The following ADGRG2 variants were observed in gnomAD, a reference collection of about 807,000 sequenced individuals.
ADGRG2 encodes adhesion G protein-coupled receptor G2, also known as G protein-coupled receptor 64.
In ADGRG2, 26 loss-of-function variants were observed where a neutral mutation model predicts 74.1. The ratio of observed to expected loss-of-function variants is 0.35; its 90% CI spans 0.26 to 0.49. ADGRG2 has a LOEUF of 0.49. ADGRG2 is among the 20% of genes least tolerant of loss of function. ADGRG2 has a pLI of 0.99. For missense variants in ADGRG2, 619 were observed against 763.1 expected (o/e 0.81, Z 2.22); for synonymous variants, 296 against 295.2 (o/e 1.00, Z -0.03).
chrX:19,031,132 G>A lies in ADGRG2; in HGVS notation c.305-95C>T, dbSNP rs781418491. 1.9e-5 allele frequency: 11 copies of A among 593,902 alleles called. No individual in the cohort carries two copies. The South Asian group carries it at 2.0e-4, about 11-fold the overall frequency. 48.9% of individuals were successfully genotyped at this position (593,902 alleles called of 1,213,427 possible). A position where few individuals can be genotyped will look rare whatever the true frequency, so the allele number is the denominator to read the frequency against. ...GAATTCATAAACGTAGGCATCAAAT[G>A]TGGACCAGAAATATTATAAGCTGGA... is the stretch of plus-strand genomic sequence containing the variant. On this transcript the variant is annotated intron_variant, in intron 8 of 28. Coordinates refer to ENST00000379869, the MANE Select transcript of ADGRG2 (RefSeq NM_001079858.3).
intron 16 of ADGRG2, among the ~76,000 whole-genome samples, 162 bp from the exon 17 acceptor site, chrX:19,010,940 G>A (rs747595537): frequency 2.7e-4 from 30 of 112,383 alleles, no homozygotes; most frequent in African/African-American, 9.4e-4. Context: ...AATGTTTATA[G>A]TGGCCTTTTT....
chrX:19,037,478 G>C lies in ADGRG2; in HGVS notation c.215C>G (p.Thr72Arg). Residue 72 changes from threonine (T) to arginine (R), a missense_variant, in exon 6 of 29, where the codon ACA becomes AGA. By Grantham distance (71) the Thr-to-Arg change is moderately conservative (BLOSUM62 -1). Transcript: ENST00000379869. ...AGAAAAATTCTTACCATTGAGGCTT[G>C]TTGTTTCAACCTCTTTTTGTCCCGA... ...SSNGTPEVET[T>R]SLNDVTLSLL... 1 of 1,181,186 alleles carries C rather than the reference G, an allele frequency of 8.5e-7. No homozygotes were observed. The highest frequency in any genetic ancestry group is 1.1e-6 in the Non-Finnish European group (1 of 872,485).
intron 1 of ADGRG2, among the ~76,000 whole-genome samples, chrX:19,120,670 G>T (rs2062595409): frequency 9.0e-6 from 1 of 111,726 alleles, no homozygotes; most frequent in Non-Finnish European, 1.9e-5. Context: ...TACATAATTT[G>T]TGGGACCCAG....
intron 18 of ADGRG2, 130 bp from the exon 19 acceptor site, chrX:19,008,253 A>G (rs1415596782): frequency 2.2e-6 from 1 of 457,174 alleles, no homozygotes; most frequent in Non-Finnish European, 3.6e-6. Context: ...GATAAAAACC[A>G]CAATTACTTT....
intron 1 of ADGRG2, among the ~76,000 whole-genome samples, chrX:19,089,877 G>A (rs1395670409): frequency 8.9e-6 from 1 of 111,809 alleles, no homozygotes; most frequent in Non-Finnish European, 1.9e-5. Flanking sequence ...CTCAAAAAAT[G>A]TGAACTAATT....
At chrX:19,068,457 G>A (rs1326931911) in intron 3 of ADGRG2, among the ~76,000 whole-genome samples, 1 of 104,501 alleles carries the variant, frequency 9.6e-6, no homozygotes, top group African/African-American at 4.0e-5. Context: ...GGAAGGGGTG[G>A]GGGGGAAGGA....
chrX:19,098,618 T>C (rs2062137510), intron 1 of ADGRG2, among the ~76,000 whole-genome samples: 1 of 112,036 alleles, frequency 8.9e-6, no homozygotes, highest in South Asian at 3.7e-4. Context: ...AAAACCTGTA[T>C]GTTAGTAATA....
In ADGRG2 at chrX:18,999,964, G is replaced by A; in HGVS notation, c.2231-4C>T. On this transcript the variant is annotated splice_polypyrimidine_tract_variant and splice_region_variant and intron_variant, in intron 24 of 28. Transcript: ENST00000379869. ...GTCACAACCACAGCTGGTACCCCTG[G>A]AAGATGGGAAACATTGGTCACACCT... The A allele has an allele frequency of 9.6e-7, 1 of 1,040,167 alleles. No individual in the cohort carries two copies. The highest frequency in any genetic ancestry group is 1.9e-5 in the South Asian group (1 of 51,531). 85.7% of individuals were successfully genotyped at this position (1,040,167 alleles called of 1,213,427 possible).
At position 18,990,695 on chromosome X, in the gene ADGRG2, G is replaced by T. The variant is rs147200983; in HGVS notation, c.*169C>A. 2 of 354,516 alleles carry T rather than the reference G, an allele frequency of 5.6e-6. No individual in the cohort carries two copies. The highest frequency in any genetic ancestry group is 9.7e-6 in the Non-Finnish European group (2 of 206,657). The allele number at this position is 354,516 out of a possible 1,213,427, so 29.2% of individuals were successfully genotyped here. A position where few individuals can be genotyped will look rare whatever the true frequency, so the allele number is the denominator to read the frequency against. ...AAATGTCTAAAAACCATGGTGTAAT[G>T]TCTTGGTTTCTTCTTGTAATAATAA... is the stretch of plus-strand genomic sequence containing the variant. On this transcript the variant is annotated 3_prime_UTR_variant, in exon 29 of 29. Coordinates refer to ENST00000379869, the MANE Select transcript of ADGRG2 (RefSeq NM_001079858.3).
intron 2 of ADGRG2, among the ~76,000 whole-genome samples, chrX:19,074,183 T>C (rs1441051757): frequency 8.9e-6 from 1 of 111,826 alleles, no homozygotes; most frequent in Non-Finnish European, 1.9e-5. Context: ...GATCAAACCT[T>C]GGGCTGAAGA....
At chrX:19,116,244 C>T (rs1241732361) in intron 1 of ADGRG2, among the ~76,000 whole-genome samples, 1 of 109,740 alleles carries the variant, frequency 9.1e-6, no homozygotes, top group African/African-American at 3.3e-5. Context: ...GGCGCAGTGG[C>T]TCATGCCTGT....
rs199616929 is a variant in ADGRG2, at chrX:19,106,493, TTGTGTG to T, written c.-47+15943_-47+15948del. ...TGTCAGTATCTGGGATAGTGTGTGT[TTGTGTG>T]TGTGTGTGTGTGTGTTTCGGTTTGG... On this transcript the variant is annotated intron_variant, in intron 1 of 28. Transcript: ENST00000379869. Among the ~76,000 whole-genome samples the T allele has an allele frequency of 3.3e-3, 355 of 106,770 alleles. 1 individual carries two copies. The highest frequency in any genetic ancestry group is 0.012 in the African/African-American group (346 of 29,211). The allele number at this position is 106,770 out of a possible 115,157, so 92.7% of individuals were successfully genotyped here.
At chrX:19,022,198 G>C (rs1458513953) in intron 13 of ADGRG2, among the ~76,000 whole-genome samples, 1 of 108,667 alleles carries the variant, frequency 9.2e-6, no homozygotes, top group Non-Finnish European at 1.9e-5. Context: ...CTGGGAGGTG[G>C]AAGTTGCAGT....
chrX:19,093,891 G>T (rs2062050953), intron 1 of ADGRG2, among the ~76,000 whole-genome samples: 1 of 97,718 alleles, frequency 1.0e-5, no homozygotes, highest in African/African-American at 4.1e-5. Flanking sequence ...CATAAATGTG[G>T]TATGTAGGTA....
At chrX:19,077,086 C>A (rs1310110009) in intron 2 of ADGRG2, among the ~76,000 whole-genome samples, 3 of 110,830 alleles carry the variant, frequency 2.7e-5, no homozygotes, top group African/African-American at 9.8e-5. Flanking sequence ...ATATAACTTC[C>A]TAACTAGTGG....
chrX:19,000,016 C>T (rs1465172377), intron 24 of ADGRG2, 56 bp from the exon 25 acceptor site: 11 of 560,530 alleles, frequency 2.0e-5, no homozygotes, highest in East Asian at 7.4e-5. Context: ...TTTTTTGAGA[C>T]GGATTCTTGC....
intron 9 of ADGRG2, among the ~76,000 whole-genome samples, chrX:19,030,431 A>C (rs2060802093): frequency 8.9e-6 from 1 of 112,292 alleles, no homozygotes; most frequent in Non-Finnish European, 1.9e-5. Context: ...AGGGATTTCC[A>C]TCTCAATTTT....
intron 3 of ADGRG2, among the ~76,000 whole-genome samples, chrX:19,049,429 G>GT (rs1292446591): frequency 1.1e-5 from 1 of 93,059 alleles, no homozygotes; most frequent in East Asian, 3.2e-4. Flanking sequence ...ATATATAAGC[G>GT]TTTTTTGTGT....
chrX:19,112,791 C>G (rs943904461), intron 1 of ADGRG2, among the ~76,000 whole-genome samples: 1 of 108,384 alleles, frequency 9.2e-6, no homozygotes, highest in Non-Finnish European at 1.9e-5. Flanking sequence ...AACCCCGTCT[C>G]TACTAAAAAT....
Sources: allele counts gnomAD v4.1 joint callset (sites outside exome capture counted in the v4.1 genomes callset), GRCh38; gene constraint gnomAD v4.1.1; transcripts MANE v1.5; gene names NCBI Gene and HGNC (gene_info 2026-07-23, HGNC 2026-07-21).